The following FXYD3 variants were observed in gnomAD, a reference collection of about 807,000 sequenced individuals.
The protein encoded by FXYD3 is FXYD domain containing ion transport regulator 3, also known as FXYD domain-containing ion transport regulator 3.
Under a neutral mutation model 19.2 loss-of-function variants are expected in FXYD3, and 13 were observed. The observed-to-expected ratio is 0.68, with a 90% CI of 0.44 to 1.08. The LOEUF is 1.08. Among genes scored for constraint, FXYD3 ranks in the 50% least tolerant of loss-of-function variants. FXYD3 has a pLI of 0.00. For synonymous variants in FXYD3, 48 were observed against 38.9 expected, an observed-to-expected ratio of 1.23 and a Z score of -0.87; for missense variants, 101 against 109.4, an observed-to-expected ratio of 0.92 and a Z score of 0.34.
chr19:35,117,542 A>G (rs1443288525), intron 2 of FXYD3, among the ~76,000 whole-genome samples: 2 of 152,008 alleles, frequency 1.3e-5, no homozygotes, highest in Non-Finnish European at 2.9e-5. Context: ...CATGGGGTAG[A>G]CACTCAATAA....
chr19:35,117,056 C>T, intron 2 of FXYD3: 1 of 985,342 alleles, frequency 1.0e-6, no homozygotes, highest in Non-Finnish European at 1.2e-6. Context: ...CTTGGGACCT[C>T]ATGGCCAGGA....
chr19:35,116,170 G>A (rs1484792874), intron 1 of FXYD3, 94 bp from the exon 2 acceptor site: 6 of 974,758 alleles, frequency 6.2e-6, no homozygotes, highest in South Asian at 4.7e-5. Context: ...GCAACCTGCC[G>A]CCCATGGCTG....
Position 35,121,215 on chromosome 19 carries a change from C to T in FXYD3, c.74-7C>T, listed in dbSNP as rs1200365221. ...CTGGATTCATGATCTTTTTTCTTTC[C>T]TTGCAGATAAAAACAGTCCTTTCTA... is the stretch of plus-strand genomic sequence containing the variant. On this transcript the variant is annotated splice_region_variant and splice_polypyrimidine_tract_variant and intron_variant, in intron 4 of 8. Transcript: ENST00000604404. 6.2e-7 allele frequency: 1 copy of T among 1,613,514 alleles called. No individual in the cohort carries two copies. Among genetic ancestry groups the T allele is most frequent in the Non-Finnish European group, 8.5e-7 (1 of 1,179,864 alleles).
At chr19:35,121,598 A>T in intron 5 of FXYD3, 1 of 1,299,048 alleles carries the variant, frequency 7.7e-7, no homozygotes, top group Non-Finnish European at 1.0e-6. Flanking sequence ...GGTTCCAATG[A>T]CCTGCTCCCT....
chr19:35,116,237 C>T, intron 1 of FXYD3, 27 bp from the exon 2 acceptor site: 3 of 985,358 alleles, frequency 3.0e-6, no homozygotes, highest in African/African-American at 1.7e-5. Context: ...GGCCTCAGGG[C>T]ATCTGACTTG....
chr19:35,116,474 A>T, intron 2 of FXYD3, 115 bp downstream of exon 2: 1 of 985,426 alleles, frequency 1.0e-6, no homozygotes. Flanking sequence ...AAGCGCCTAA[A>T]ATCTTGTGAA....
At chr19:35,116,200 T>C (rs890878660) in intron 1 of FXYD3, 64 bp from the exon 2 acceptor site, 1 of 985,110 alleles carries the variant, frequency 1.0e-6, no homozygotes, top group Non-Finnish European at 1.2e-6. Context: ...TGAAGCTGTC[T>C]CTTTAAGAGC....
At chr19:35,118,375 AC>A in intron 2 of FXYD3, 111 of 434,494 alleles carry the variant, frequency 2.6e-4, no homozygotes, top group Non-Finnish European at 3.0e-4. Flanking sequence ...AAAAAAAAAA[AC>A]AATTATGATA....
intron 3 of FXYD3, among the ~76,000 whole-genome samples, 158 bp from the exon 4 acceptor site, chr19:35,120,920 T>A (rs1672971): frequency 0.35 from 52,543 of 152,154 alleles, 9,377 homozygotes; most frequent in South Asian, 0.55. Context: ...CCACATTTCC[T>A]CGTTGGGATA....
At chr19:35,116,209 G>C in intron 1 of FXYD3, 55 bp from the exon 2 acceptor site, 2 of 985,396 alleles carry the variant, frequency 2.0e-6, no homozygotes, top group Non-Finnish European at 2.4e-6. Context: ...CTCTTTAAGA[G>C]CAGGAATGGA....
At chr19:35,123,217 G>T in intron 7 of FXYD3, 54 bp from the exon 8 acceptor site, 1 of 1,543,424 alleles carries the variant, frequency 6.5e-7, no homozygotes, top group Admixed American at 2.0e-5. Context: ...CCTCTATCCG[G>T]AGGGAGAGGG....
In FXYD3 at chr19:35,116,036, T is replaced by C. The variant is rs2064878200; in HGVS notation, c.-111+77T>C. The C allele has an allele frequency of 1.9e-5, 3 of 160,786 alleles. No homozygotes were observed. In the South Asian group the frequency reaches 6.0e-4, roughly 32 times the overall value. 10.0% of individuals were successfully genotyped at this position (160,786 alleles called of 1,614,324 possible). Reference sequence around the variant, plus strand: ...TTAAAGACCCCAGAACCTTCCCCATTCAAGGTCCTCTCCTGGGCACAGGAG... The same window carrying C: ...TTAAAGACCCCAGAACCTTCCCCATCCAAGGTCCTCTCCTGGGCACAGGAG... On this transcript the variant is annotated intron_variant, in intron 1 of 8. Transcript: ENST00000604404.
At chr19:35,122,686 T>C (rs766090274) in intron 5 of FXYD3, 79 bp from the exon 6 acceptor site, 57 of 1,151,588 alleles carry the variant, frequency 4.9e-5, no homozygotes, top group Non-Finnish European at 6.7e-5. Flanking sequence ...AGGTGCTCCA[T>C]ATATATTTGT....
intron 7 of FXYD3, 124 bp downstream of exon 7, chr19:35,123,078 T>C (rs1173258367): frequency 1.4e-5 from 21 of 1,458,734 alleles, no homozygotes; most frequent in Admixed American, 2.9e-5. Flanking sequence ...CGCTAAGATT[T>C]CCAGGTTTAT....
At chr19:35,117,141 T>G in intron 2 of FXYD3, 2 of 1,339,402 alleles carry the variant, frequency 1.5e-6, no homozygotes, top group Admixed American at 4.0e-5. Context: ...ACCACATCAG[T>G]TCGGGAGCAG....
At position 35,117,406 on chromosome 19, in the gene FXYD3, G is replaced by T. The variant is rs1231794597; in HGVS notation, c.-15+1047G>T. 2.1e-6 allele frequency: 3 copies of T among 1,435,236 alleles called. No individual in the cohort carries two copies. In the East Asian group the frequency reaches 8.5e-5, roughly 41 times the overall value. The allele number at this position is 1,435,236 out of a possible 1,614,324, so 88.9% of individuals were successfully genotyped here. A position where few individuals can be genotyped will look rare whatever the true frequency, so the allele number is the denominator to read the frequency against. ...GAGACTCAACAGCCATGGCGACAGAGCATAGGGCTTTAAGATGAATTTGCA... is the reference window on the plus strand; with the variant it reads ...GAGACTCAACAGCCATGGCGACAGATCATAGGGCTTTAAGATGAATTTGCA... On this transcript the variant is annotated intron_variant, in intron 2 of 8. Coordinates refer to ENST00000604404, the MANE Select transcript of FXYD3 (RefSeq NM_005971.4).
Position 35,122,815 on chromosome 19 carries a change from G to A in FXYD3, c.148G>A (p.Ala50Thr), listed in dbSNP as rs758612609. The change falls in exon 6 of 9, where the codon GCC becomes ACC. Residue 50 changes from alanine to threonine, a missense_variant. Transcript: ENST00000604404. ...GCTCATCTGCGCTGGGGTTCTGTGC[G>A]CCATGGGCATCATCATCGTCATGAG... ...GGLICAGVLC[A>T]MGIIIVMSAK... 18 of 1,613,844 alleles carry A rather than the reference G, an allele frequency of 1.1e-5. No individual in the cohort carries two copies. The highest frequency in any genetic ancestry group is 6.6e-5 in the South Asian group (6 of 91,084).
rs116271802 is a variant in FXYD3 at position 35,122,096 on chromosome 19, G to T, written c.98-669G>T. ...TCCCAAAGCACTGGGATTATATTAGGTTGGTTCAAAAGTAATTGTGGTTTT... is the reference window on the plus strand; with the variant it reads ...TCCCAAAGCACTGGGATTATATTAGTTTGGTTCAAAAGTAATTGTGGTTTT... On this transcript the variant is annotated intron_variant, in intron 5 of 8. Coordinates refer to ENST00000604404, the MANE Select transcript of FXYD3 (RefSeq NM_005971.4). Among the ~76,000 whole-genome samples, 555 of 152,180 alleles carry T rather than the reference G, an allele frequency of 3.6e-3. 4 individuals carry two copies. Among genetic ancestry groups the T allele is most frequent in the African/African-American group, 0.013 (534 of 41,502 alleles).
chr19:35,123,521 C>T lies in FXYD3; in HGVS notation c.*64C>T. On this transcript the variant is annotated 3_prime_UTR_variant, in exon 9 of 9. Coordinates refer to ENST00000604404, the MANE Select transcript of FXYD3 (RefSeq NM_005971.4). Reference sequence around the variant, plus strand: ...TCTGTCCCCAGGTCCTGTCTCTGCACAGAAACTTGAACTCCAGGATGGAAT... The same window carrying T: ...TCTGTCCCCAGGTCCTGTCTCTGCATAGAAACTTGAACTCCAGGATGGAAT... 6.4e-7 allele frequency: 1 copy of T among 1,568,276 alleles called. No individual in the cohort carries two copies.
Sources: allele counts gnomAD v4.1 joint callset (sites outside exome capture counted in the v4.1 genomes callset), GRCh38; gene constraint gnomAD v4.1.1; transcripts MANE v1.5; gene names NCBI Gene and HGNC (gene_info 2026-07-23, HGNC 2026-07-21).